The following SLC25A26 variants were observed in gnomAD, a reference collection of about 807,000 sequenced individuals.
The protein encoded by SLC25A26 is solute carrier family 25 member 26, also known as mitochondrial S-adenosylmethionine carrier protein.
Under a neutral mutation model 37.8 loss-of-function variants are expected in SLC25A26, and 36 were observed. The ratio of observed to expected loss-of-function variants is 0.95; its 90% CI spans 0.73 to 1.26. The LOEUF (loss-of-function observed/expected upper bound fraction) is 1.26. Among genes scored for constraint, SLC25A26 ranks in the 50% most tolerant of loss-of-function variants. The pLI, the probability that SLC25A26 is intolerant of heterozygous loss-of-function variation, is 0.00. For missense variants in SLC25A26, 390 were observed against 331.1 expected (o/e 1.18, Z -1.38); for synonymous variants, 129 against 122.5 (o/e 1.05, Z -0.35).
chr3:66,334,627 C>G (rs1463593223), intron 5 of SLC25A26, among the ~76,000 whole-genome samples: 1 of 152,080 alleles, frequency 6.6e-6, no homozygotes, highest in Non-Finnish European at 1.5e-5. Context: ...TGAGTGGAAG[C>G]TTTAGGAGGT....
intron 9 of SLC25A26, chr3:66,371,316 T>A: frequency 3.9e-6 from 6 of 1,549,684 alleles, no homozygotes; most frequent in Non-Finnish European, 5.2e-6. Context: ...CACCTCCTCA[T>A]CCTGATGCCG....
At chr3:66,222,933 G>A (rs1286333914) in intron 1 of SLC25A26, among the ~76,000 whole-genome samples, 2 of 152,166 alleles carry the variant, frequency 1.3e-5, no homozygotes, top group Non-Finnish European at 2.9e-5. Flanking sequence ...GGTAAAATTA[G>A]AATCAATAGG....
intron 1 of SLC25A26, among the ~76,000 whole-genome samples, chr3:66,233,169 C>T (rs1034095721): frequency 6.6e-5 from 10 of 152,204 alleles, no homozygotes; most frequent in Non-Finnish European, 1.2e-4. Context: ...ATGGTGTGCC[C>T]TCCTCCTTTT....
In SLC25A26 at chr3:66,161,403, A is replaced by G. The variant is rs537511778; in HGVS notation, c.-354+27419A>G. 1.2e-3 allele frequency among the ~76,000 whole-genome samples: 182 copies of G among 152,280 alleles called. No individual in the cohort carries two copies. The Middle Eastern group carries it at 0.02, about 17-fold the overall frequency. ...TTTCTTCCCTCTTTCCCTCTCACCA[A>G]TCTTGACCCTGAGTCCCCTGGGAAA... is the stretch of plus-strand genomic sequence containing the variant. On this transcript the variant is annotated intron_variant, in intron 1 of 10. Coordinates refer to the SLC25A26 transcript ENST00000676754.
intron 6 of SLC25A26, among the ~76,000 whole-genome samples, chr3:66,349,527 G>T (rs2076402467): frequency 6.6e-6 from 1 of 151,672 alleles, no homozygotes. Context: ...TCCTGTTGTT[G>T]CTTGTACCAG....
chr3:66,377,350 T>C, intron 9 of SLC25A26, among the ~76,000 whole-genome samples: 1 of 151,990 alleles, frequency 6.6e-6, no homozygotes, highest in East Asian at 1.9e-4. Context: ...AGTCAGTGGG[T>C]GGAGCGGCAG....
At chr3:66,176,843 G>A (rs558932161) in intron 1 of SLC25A26, among the ~76,000 whole-genome samples, 1 of 152,322 alleles carries the variant, frequency 6.6e-6, no homozygotes, top group African/African-American at 2.4e-5. Flanking sequence ...GAAAGGTGGT[G>A]AGATGAAAAG....
chr3:66,218,252 G>A (rs2071391520), upstream of SLC25A26, among the ~76,000 whole-genome samples: 1 of 152,066 alleles, frequency 6.6e-6, no homozygotes, highest in Admixed American at 6.5e-5. Flanking sequence ...TAGACATTCA[G>A]GTTGTTTTCA....
In SLC25A26 at chr3:66,264,906, G is replaced by A. The variant is rs543993658; in HGVS notation, c.453+1527G>A. 1.9e-4 allele frequency among the ~76,000 whole-genome samples: 29 copies of A among 152,288 alleles called. 1 individual carries two copies. In the East Asian group the frequency reaches 5.0e-3, roughly 26 times the overall value. ...AGGGGAAGCCACTTCACCTCTCTTTGCCTTCTAACTCTAAATTTCTGTGAT... is the reference window on the plus strand; with the variant it reads ...AGGGGAAGCCACTTCACCTCTCTTTACCTTCTAACTCTAAATTTCTGTGAT... On this transcript the variant is annotated intron_variant, in intron 5 of 9. Coordinates refer to ENST00000354883, the MANE Select transcript of SLC25A26 (RefSeq NM_001379210.1).
At chr3:66,188,506 G>T (rs1418419865) in intron 1 of SLC25A26, among the ~76,000 whole-genome samples, 1 of 152,018 alleles carries the variant, frequency 6.6e-6, no homozygotes, top group East Asian at 1.9e-4. Context: ...AAGGAGCCCG[G>T]TACCTCCCCT....
chr3:66,355,645 T>C (rs2076557487), intron 6 of SLC25A26, among the ~76,000 whole-genome samples: 2 of 152,236 alleles, frequency 1.3e-5, no homozygotes, highest in Admixed American at 1.3e-4. Context: ...GTAGACATAG[T>C]AGTATGTGAG....
chr3:66,214,238 C>T (rs1041555517), intron 1 of SLC25A26, among the ~76,000 whole-genome samples: 1 of 152,086 alleles, frequency 6.6e-6, no homozygotes, highest in Non-Finnish European at 1.5e-5. Context: ...TTCTACCTCT[C>T]TCACCATGTG....
At chr3:66,141,353 A>G (rs1017915095) in intron 1 of SLC25A26, among the ~76,000 whole-genome samples, 9 of 151,888 alleles carry the variant, frequency 5.9e-5, no homozygotes, top group African/African-American at 1.7e-4. Flanking sequence ...CAGCCTCCCA[A>G]GTAACTGCGA....
chr3:66,175,109 G>GTATATATATATATATA (rs769631849), intron 1 of SLC25A26, among the ~76,000 whole-genome samples: 13 of 97,320 alleles, frequency 1.3e-4, no homozygotes, highest in Non-Finnish European at 2.0e-4. Context: ...ATGTGTGTGT[G>GTATATATATATATATA]TATATATATA....
chr3:66,205,168 G>A (rs1206253800), intron 1 of SLC25A26, among the ~76,000 whole-genome samples: 2 of 152,184 alleles, frequency 1.3e-5, no homozygotes, highest in Non-Finnish European at 2.9e-5. Flanking sequence ...TTTATTTATT[G>A]AGATTGTGCA....
upstream of SLC25A26, among the ~76,000 whole-genome samples, chr3:66,217,282 G>A (rs2071375915): frequency 6.6e-6 from 1 of 152,160 alleles, no homozygotes; most frequent in African/African-American, 2.4e-5. Context: ...AAAACTTCCA[G>A]GAACATTAGT....
chr3:66,261,300 C>G (rs1266714732), intron 3 of SLC25A26, among the ~76,000 whole-genome samples: 4 of 152,218 alleles, frequency 2.6e-5, no homozygotes, highest in Non-Finnish European at 2.9e-5. Flanking sequence ...CTTCTCCAAC[C>G]TTGCCTTCTT....
At chr3:66,182,877 G>A (rs2070742837) in intron 1 of SLC25A26, among the ~76,000 whole-genome samples, 1 of 152,072 alleles carries the variant, frequency 6.6e-6, no homozygotes, top group South Asian at 2.1e-4. Context: ...GAGGCATTTG[G>A]AACACAAAAG....
At chr3:66,289,188 T>G (rs2074618802) in intron 5 of SLC25A26, among the ~76,000 whole-genome samples, 1 of 152,156 alleles carries the variant, frequency 6.6e-6, no homozygotes, top group Non-Finnish European at 1.5e-5. Flanking sequence ...GTTTTTTTCT[T>G]GTAAATTTAA....
Sources: gnomAD v4.1 joint callset for allele counts (sites outside exome capture counted in the v4.1 genomes callset) on GRCh38, gnomAD v4.1.1 for gene constraint, MANE v1.5 for transcripts, NCBI Gene and HGNC (gene_info 2026-07-23, HGNC 2026-07-21) for gene names.